Variants in MYO18B observed in about 807,000 individuals in gnomAD.
MYO18B encodes unconventional myosin-XVIIIb.
A neutral mutation model predicts 273.0 loss-of-function variants in MYO18B; 204 were observed. The observed-to-expected ratio is 0.75, with a 90% CI of 0.67 to 0.84. MYO18B has a LOEUF of 0.84. Ranked by LOEUF, MYO18B falls within the 40% of genes least tolerant of loss-of-function variation. MYO18B has a pLI of 0.00. For synonymous variants in MYO18B, 1,330 were observed against 1,305.7 expected (o/e 1.02, Z -0.40); for missense variants, 3,212 against 3,287.6 (o/e 0.98, Z 0.56).
chr22:25,955,707 A>C (rs1215906397), intron 39 of MYO18B, among the ~76,000 whole-genome samples: 1 of 152,210 alleles, frequency 6.6e-6, no homozygotes, highest in African/African-American at 2.4e-5. Flanking sequence ...ACCGGTATTT[A>C]TTAACGGCCT....
intron 32 of MYO18B, 105 bp downstream of exon 32, chr22:25,908,537 C>G (rs2092094498): frequency 1.1e-6 from 1 of 909,588 alleles, no homozygotes; most frequent in East Asian, 2.7e-5. Flanking sequence ...GATCTGGGGA[C>G]AAGCTCTTTC....
rs1442047713 is a variant in MYO18B, at chr22:25,847,970, CACACAA to C, written c.3775+320_3775+325del. 7.6e-5 allele frequency among the ~76,000 whole-genome samples: 10 copies of C among 131,746 alleles called. No homozygotes were observed. The East Asian group carries it at 8.0e-4, about 11-fold the overall frequency. The allele number at this position is 131,746 out of a possible 152,430, so 86.4% of individuals were successfully genotyped here. A position where few individuals can be genotyped will look rare whatever the true frequency, so the allele number is the denominator to read the frequency against. On this transcript the variant is annotated intron_variant, in intron 20 of 43. Transcript: ENST00000335473. ...ACATACACACACACACACACACACA[CACACAA>C]AATGGGATACATGTACAGCACGTGC... is the stretch of plus-strand genomic sequence containing the variant.
chr22:25,890,638 C>T (rs779012354), intron 25 of MYO18B, 118 bp from the exon 26 acceptor site: 97 of 1,416,978 alleles, frequency 6.8e-5, no homozygotes, highest in Admixed American at 8.7e-5. Context: ...GTTGATTATA[C>T]TCAAGGGTTG....
intron 12 of MYO18B, among the ~76,000 whole-genome samples, chr22:25,817,234 C>T (rs562947879): frequency 6.6e-6 from 1 of 151,042 alleles, no homozygotes; most frequent in Non-Finnish European, 1.5e-5. Context: ...CGTTCTTTCT[C>T]TCTTTCTCTC....
rs1229136616 is a variant in MYO18B, at chr22:25,947,817, C to T, written c.5737C>T (p.Leu1913Phe). 1.2e-6 allele frequency: 2 copies of T among 1,613,502 alleles called. No individual in the cohort carries two copies. The highest frequency in any genetic ancestry group is 3.3e-5 in the Admixed American group (2 of 60,000). Residue 1913 changes from leucine (L) to phenylalanine (F), a missense_variant, in exon 36 of 44, where the codon CTC becomes TTC. Coordinates refer to ENST00000335473, the MANE Select transcript of MYO18B (RefSeq NM_032608.7). ...LNELMQKHKDLIAQSAADIGQ... is the reference protein window; with the variant it reads ...LNELMQKHKDFIAQSAADIGQ... ...TGAGCTGATGCAGAAGCACAAGGAC[C>T]TCATTGCTCAGGTAGTGAATGAGAC...
intron 1 of MYO18B, among the ~76,000 whole-genome samples, chr22:25,754,049 T>C (rs1044395649): frequency 1.3e-5 from 2 of 152,148 alleles, no homozygotes; most frequent in Non-Finnish European, 2.9e-5. Context: ...CTAACAAATG[T>C]TGATTGAAAG....
intron 38 of MYO18B, 109 bp downstream of exon 38, chr22:25,952,532 G>T (rs773047082): frequency 5.3e-5 from 74 of 1,389,524 alleles, no homozygotes; most frequent in Admixed American, 2.3e-4. Flanking sequence ...CCTTCATCTA[G>T]ATATACATTA....
the MYO18B span, among the ~76,000 whole-genome samples, chr22:26,059,008 T>C: frequency 1.3e-5 from 2 of 152,206 alleles, no homozygotes; most frequent in African/African-American, 4.8e-5. Context: ...CTCTTCTCTT[T>C]GCCTCTTCAC....
chr22:25,892,838 C>G (rs910028843), intron 27 of MYO18B, among the ~76,000 whole-genome samples: 7 of 152,202 alleles, frequency 4.6e-5, no homozygotes, highest in Non-Finnish European at 8.8e-5. Context: ...GTGGGACAGT[C>G]TCTGGCCTTG....
intron 11 of MYO18B, among the ~76,000 whole-genome samples, chr22:25,791,432 C>T (rs1339512839): frequency 2.6e-5 from 4 of 152,338 alleles, no homozygotes; most frequent in African/African-American, 4.8e-5. Context: ...TGTGTGTACC[C>T]GGTGACTGCC....
intron 8 of MYO18B, 107 bp from the exon 9 acceptor site, chr22:25,779,949 A>T: frequency 7.2e-7 from 1 of 1,383,338 alleles, no homozygotes; most frequent in Non-Finnish European, 9.6e-7. Context: ...TGAGGCCAGG[A>T]TGGGGACTGG....
At position 25,874,408 on chromosome 22, in the gene MYO18B, G is replaced by A. The variant is rs1248105001; in HGVS notation, c.4074G>A (p.Lys1358=). ...TTCTGTCTCGCCAGGAATTCAAGAA[G>A]CTGAAGGTACTGCATGCCGTTCCCA... ...KGFLSRQEFK[K]LKIRRLAAQC... The change falls in exon 23 of 44, where the codon AAG becomes AAA. Residue 1358 remains lysine, a synonymous_variant. Coordinates refer to ENST00000335473, the MANE Select transcript of MYO18B (RefSeq NM_032608.7). 7 of 1,613,406 alleles carry A rather than the reference G, an allele frequency of 4.3e-6. No homozygotes were observed. In the African/African-American group the frequency reaches 8.0e-5, roughly 18 times the overall value.
the MYO18B span, among the ~76,000 whole-genome samples, chr22:26,051,476 AG>A: frequency 1.3e-5 from 2 of 152,152 alleles, no homozygotes; most frequent in African/African-American, 4.8e-5. Flanking sequence ...TTTTACAGTG[AG>A]AAACCAGAGG....
chr22:25,964,134 T>C (rs2092950529), intron 39 of MYO18B: 2 of 152,404 alleles, frequency 1.3e-5, no homozygotes, highest in South Asian at 2.1e-4. Flanking sequence ...AGTCATCCTC[T>C]TGAAGCATGC....
At chr22:25,823,306 T>C (rs1025795309) in intron 12 of MYO18B, among the ~76,000 whole-genome samples, 199 bp from the exon 13 acceptor site, 6 of 152,216 alleles carry the variant, frequency 3.9e-5, no homozygotes, top group Non-Finnish European at 8.8e-5. Context: ...GGAAGTCGGA[T>C]AAGCAAGTCT....
chr22:25,804,009 CAT>C (rs1555897009), intron 12 of MYO18B, among the ~76,000 whole-genome samples: 3 of 148,330 alleles, frequency 2.0e-5, no homozygotes, highest in East Asian at 1.9e-4. Flanking sequence ...CACACACACA[CAT>C]ATTTTATAGA....
intron 24 of MYO18B, 67 bp from the exon 25 acceptor site, chr22:25,877,892 C>A: frequency 7.3e-7 from 1 of 1,372,486 alleles, no homozygotes; most frequent in Non-Finnish European, 1.0e-6. Flanking sequence ...CGTTTGCTCA[C>A]TCCTAACACA....
chr22:25,747,221 C>T (rs2085807079), intron 1 of MYO18B, among the ~76,000 whole-genome samples: 1 of 152,238 alleles, frequency 6.6e-6, no homozygotes, highest in Admixed American at 6.5e-5. Context: ...AAAGTCTAAC[C>T]AGCTTCTTGC....
Position 25,826,452 on chromosome 22 carries a change from G to A in MYO18B, c.2739G>A (p.Ser913=), listed in dbSNP as rs547549839. Residue 913 remains serine, a synonymous_variant, in exon 14 of 44, where the codon TCG becomes TCA. Transcript: ENST00000335473. The stretch of plus-strand genomic sequence containing the variant: ...TGGACTGTGTGGAGGGGATGGCCTC[G>A]GGCCTGTACCAGGAACTCTTTGCGG... ...TGVDCVEGMA[S]GLYQELFAAV... 112 of 1,613,770 alleles carry A rather than the reference G, an allele frequency of 6.9e-5. No homozygotes were observed. The highest frequency in any genetic ancestry group is 8.7e-5 in the Non-Finnish European group (103 of 1,179,762).
Sources: gnomAD v4.1 joint callset for allele counts (sites outside exome capture counted in the v4.1 genomes callset) on GRCh38, gnomAD v4.1.1 for gene constraint, MANE v1.5 for transcripts, NCBI Gene and HGNC (gene_info 2026-07-23, HGNC 2026-07-21) for gene names.